The following COL6A3 variants were observed in gnomAD, a reference collection of about 807,000 sequenced individuals.
COL6A3 encodes the protein collagen type VI alpha 3 chain.
COL6A3 carries 137 observed loss-of-function variants against 274.1 expected under a neutral mutation model. That is an observed-to-expected ratio of 0.50 (90% confidence interval 0.44 to 0.58). The LOEUF is 0.58. COL6A3 is among the 20% of genes least tolerant of loss of function. The pLI is 0.00. For synonymous variants in COL6A3, 1,650 were observed against 1,650.6 expected (o/e 1.00, Z 0.01); for missense variants, 3,950 against 4,124.9 (o/e 0.96, Z 1.16).
intron 42 of COL6A3, among the ~76,000 whole-genome samples, chr2:237,332,737 C>T (rs1355152306): frequency 6.6e-6 from 1 of 152,196 alleles, no homozygotes; most frequent in Non-Finnish European, 1.5e-5. Context: ...GCTGAACACT[C>T]TTAAGCAAAG....
Position 237,344,376 on chromosome 2 carries a change from CTTCCTGCCTTGT to C in COL6A3, c.7630_7641del (p.Thr2544_Glu2547del). 1 of 1,614,222 alleles carries C rather than the reference CTTCCTGCCTTGT, an allele frequency of 6.2e-7. No homozygotes were observed. Among genetic ancestry groups the C allele is most frequent in the Non-Finnish European group, 8.5e-7 (1 of 1,180,038 alleles). On this transcript the variant is annotated inframe_deletion, in exon 36 of 44. Coordinates refer to ENST00000295550, the MANE Select transcript of COL6A3 (RefSeq NM_004369.4). The surrounding 1 kb of genome is among the most constrained non-coding windows in gnomAD (Gnocchi z 4.8). ...TGCAAAGCGTTGATGAGCTGCCGGTCTTCCTGCCTTGTAAGGAACAAGGGGGTGATCCCCGCA... is the reference window on the plus strand; with the variant it reads ...TGCAAAGCGTTGATGAGCTGCCGGTCAAGGAACAAGGGGGTGATCCCCGCA...
chr2:237,368,959 C>A lies in COL6A3; in HGVS notation c.4504G>T (p.Ala1502Ser), dbSNP rs201722265. The A allele has an allele frequency of 6.2e-7, 1 of 1,614,214 alleles. No homozygotes were observed. Among genetic ancestry groups the A allele is most frequent in the Non-Finnish European group, 8.5e-7 (1 of 1,180,036 alleles). ...CCTCTGAGCCTCAGGCGCCGTATGG[C>A]GTCCAGCACCGGGGCCTGGGATCTG... The part of the protein sequence containing the change: ...TYRSQAPVLD[A>S]IRRLRLRGGS... Residue 1502 changes from alanine (A) to serine (S), a missense_variant, in exon 10 of 44, where the codon GCC (alanine) becomes TCC (serine). Ala to Ser is a moderately conservative substitution (Grantham distance 99). Transcript: ENST00000295550. This position sits in a 1 kb window ranked among gnomAD's most constrained non-coding sequence, Gnocchi z 4.4.
In COL6A3 at chr2:237,344,695, C is replaced by T. The variant is rs1255913973; in HGVS notation, c.7323G>A (p.Arg2441=). 6 of 1,609,646 alleles carry T rather than the reference C, an allele frequency of 3.7e-6. No homozygotes were observed. The Admixed American group carries it at 6.7e-5, about 18-fold the overall frequency. Residue 2441 remains arginine, a synonymous_variant, in exon 36 of 44, where the codon CGG becomes CGA. Coordinates refer to ENST00000295550, the MANE Select transcript of COL6A3 (RefSeq NM_004369.4). The surrounding 1 kb of genome is among the most constrained non-coding windows in gnomAD (Gnocchi z 4.8). ...DLTIAESNCP[R]GARVAVVTYN... is the part of the protein sequence containing the mutation. ...AGGTGACCACAGCCACCCGGGCCCC[C>T]CGTGGGCAGTTGCTCTCAGCAATGG...
intron 4 of COL6A3, among the ~76,000 whole-genome samples, chr2:237,385,831 G>T (rs1444854168): frequency 1.3e-5 from 2 of 152,124 alleles, no homozygotes; most frequent in Admixed American, 1.3e-4. Flanking sequence ...TTTGCATTCA[G>T]AACATTATTT....
At position 237,347,834 on chromosome 2, in the gene COL6A3, T is replaced by C. The variant is rs2077126681; in HGVS notation, c.7002A>G (p.Thr2334=). ...NPGEPGLNGT[T]GPKGIRGRRG... ...TTCGGCCTCTGATGCCTTTGGGTCC[T>C]GTTGTTCCATTTAGCCCAGGTTCAC... Residue 2334 remains threonine (T), a synonymous_variant, in exon 31 of 44, where the codon ACA becomes ACG. Transcript: ENST00000295550. 3 of 1,611,276 alleles carry C rather than the reference T, an allele frequency of 1.9e-6. No homozygotes were observed. Among genetic ancestry groups the C allele is most frequent in the African/African-American group, 1.3e-5 (1 of 75,042 alleles).
intron 31 of COL6A3, among the ~76,000 whole-genome samples, chr2:237,347,320 A>G (rs956511818): frequency 2.0e-5 from 3 of 152,192 alleles, no homozygotes; most frequent in Admixed American, 1.3e-4. Context: ...GAATAAAAAG[A>G]AAAGAGCTAT....
chr2:237,365,420 C>G (rs527726086), intron 12 of COL6A3, among the ~76,000 whole-genome samples: 1 of 152,162 alleles, frequency 6.6e-6, no homozygotes, highest in African/African-American at 2.4e-5. Flanking sequence ...GGAGAACGTA[C>G]CTGACTGGAC....
At chr2:237,404,938 G>A (rs1247423627) in intron 1 of COL6A3, among the ~76,000 whole-genome samples, 1 of 152,154 alleles carries the variant, frequency 6.6e-6, no homozygotes, top group Non-Finnish European at 1.5e-5. Flanking sequence ...TTCAAGATGT[G>A]AATCTTTGGA....
intron 32 of COL6A3, among the ~76,000 whole-genome samples, chr2:237,346,279 G>T (rs1448286616): frequency 6.6e-6 from 1 of 152,210 alleles, no homozygotes; most frequent in Non-Finnish European, 1.5e-5. Context: ...ATACTCCCTA[G>T]ATGACAGGAT....
intron 1 of COL6A3, among the ~76,000 whole-genome samples, chr2:237,410,934 T>C (rs2078841526): frequency 6.6e-6 from 1 of 152,198 alleles, no homozygotes; most frequent in Non-Finnish European, 1.5e-5. Context: ...TCTGAATTAG[T>C]AGGAAACTTT....
chr2:237,378,989 G>C lies in COL6A3; in HGVS notation c.2144C>G (p.Ser715Trp), dbSNP rs780115806. Residue 715 changes from serine (S) to tryptophan (W), a missense_variant, in exon 6 of 44, where the codon TCG becomes TGG. By Grantham distance (177) the Ser-to-Trp change is radical. This residue lies in a region of COL6A3 where 1,934 missense variants were observed against 1,984.3 expected (regional missense o/e 0.97). Coordinates refer to ENST00000295550, the MANE Select transcript of COL6A3 (RefSeq NM_004369.4). ...TAGGGCTGAGCCTGTGTTCAGGCCC[G>C]AACCTCCCTGGAGCTGCAGCTGCCT... The part of the protein sequence containing the change: ...HLRQLQLQGG[S>W]GLNTGSALSY... 2 of 1,614,156 alleles carry C rather than the reference G, an allele frequency of 1.2e-6. No homozygotes were observed. The highest frequency in any genetic ancestry group is 2.2e-5 in the South Asian group (2 of 91,068).
intron 26 of COL6A3, among the ~76,000 whole-genome samples, chr2:237,351,646 C>A (rs975249490): frequency 1.3e-5 from 2 of 152,164 alleles, no homozygotes; most frequent in African/African-American, 4.8e-5. Context: ...ACGCAACCCA[C>A]AAATAACATA....
chr2:237,386,883 C>T (rs2106377167), intron 4 of COL6A3, among the ~76,000 whole-genome samples: 1 of 152,234 alleles, frequency 6.6e-6, no homozygotes, highest in South Asian at 2.1e-4. Context: ...TTGTTAAGTG[C>T]ATATTTGTTA....
intron 1 of COL6A3, among the ~76,000 whole-genome samples, chr2:237,398,013 G>C (rs1448468184): frequency 6.6e-6 from 1 of 152,244 alleles, no homozygotes; most frequent in Non-Finnish European, 1.5e-5. Flanking sequence ...CCCAGCTTAA[G>C]TTTGTAAGTC....
At chr2:237,337,798 G>A (rs931423412) in intron 39 of COL6A3, among the ~76,000 whole-genome samples, 2 of 152,134 alleles carry the variant, frequency 1.3e-5, no homozygotes, top group African/African-American at 4.8e-5. Flanking sequence ...GTTGGCACCC[G>A]AGATGGAGCA....
At chr2:237,358,039 T>G (rs1384553894) in intron 21 of COL6A3, among the ~76,000 whole-genome samples, 157 bp from the exon 22 acceptor site, 2 of 152,134 alleles carry the variant, frequency 1.3e-5, no homozygotes, top group South Asian at 2.1e-4. Flanking sequence ...TCCATGCAGG[T>G]CTTACGAAAC....
intron 6 of COL6A3, 114 bp downstream of exon 6, chr2:237,378,522 G>T: frequency 6.8e-7 from 1 of 1,475,392 alleles, no homozygotes. Flanking sequence ...TCAATGGAAG[G>T]GAGCCAATTG....
At position 237,367,227 on chromosome 2, in the gene COL6A3, T is replaced by C; in HGVS notation, c.4960A>G (p.Ser1654Gly). The C allele has an allele frequency of 6.2e-7, 1 of 1,614,010 alleles. No homozygotes were observed. Among genetic ancestry groups the C allele is most frequent in the Non-Finnish European group, 8.5e-7 (1 of 1,179,870 alleles). The change falls in exon 11 of 44, where the codon AGT (serine) becomes GGT (glycine). Residue 1654 changes from serine to glycine, a missense_variant. Ser to Gly is a moderately conservative substitution (Grantham distance 56, BLOSUM62 0). This residue lies in a region of COL6A3 where 632 missense variants were observed against 623.4 expected (regional missense o/e 1.01). Transcript: ENST00000295550. ...LDGSINFRRD[S>G]FQEVLRFVSE... ...ACAAAACGAAGCACTTCCTGGAAAC[T>C]GTCCCTCCTGAAGTTGATGGAACCA...
At chr2:237,370,764 AAGAG>A (rs2077667540) in intron 9 of COL6A3, among the ~76,000 whole-genome samples, 1 of 152,184 alleles carries the variant, frequency 6.6e-6, no homozygotes, top group South Asian at 2.1e-4. Context: ...CTGTTTAAGA[AAGAG>A]AGAATCAGCC....
Sources: gnomAD v4.1 joint callset for allele counts (sites outside exome capture counted in the v4.1 genomes callset) on GRCh38, gnomAD v4.1.1 for gene constraint, gnomAD v4.1.1 regional missense constraint, Gnocchi (gnomAD v3.1) non-coding constraint, MANE v1.5 for transcripts, NCBI Gene and HGNC (gene_info 2026-07-23, HGNC 2026-07-21) for gene names.